The following TINF2 variants were observed in gnomAD, a reference collection of about 807,000 sequenced individuals.
The protein encoded by TINF2 is TERF1-interacting nuclear factor 2.
In TINF2, 27 loss-of-function variants were observed where a neutral mutation model predicts 50.4. The observed-to-expected ratio is 0.54, with a 90% CI of 0.40 to 0.74. TINF2 has a LOEUF of 0.74. Ranked by LOEUF, TINF2 falls within the 30% of genes least tolerant of loss-of-function variation. TINF2 has a pLI of 0.00. For synonymous variants in TINF2, 223 were observed against 214.6 expected, an observed-to-expected ratio of 1.04 and a Z score of -0.34; for missense variants, 496 against 551.5, an observed-to-expected ratio of 0.90 and a Z score of 1.01.
At position 24,241,098 on chromosome 14, in the gene TINF2, A is replaced by G. The variant is rs1057093734; in HGVS notation, c.526T>C (p.Trp176Arg). 1.9e-6 allele frequency: 3 copies of G among 1,614,062 alleles called. No homozygotes were observed. The African/African-American group carries it at 4.0e-5, about 22-fold the overall frequency. The change falls in exon 5 of 9, where the codon TGG (tryptophan) becomes CGG (arginine). Residue 176 changes from tryptophan (W) to arginine (R), a missense_variant. By Grantham distance (101) the Trp-to-Arg change is moderately radical. Around this residue, in one of 3 missense-constraint regions of TINF2, gnomAD observed 314 missense variants for 343.8 expected, o/e 0.91. Coordinates refer to ENST00000267415, the MANE Select transcript of TINF2 (RefSeq NM_001099274.3). Reference sequence around the variant, plus strand: ...GTGATAGAGACTCCAGGCTGCATCCAACTCAGCACATCCTGAAGCTGTGGG... The same window carrying G: ...GTGATAGAGACTCCAGGCTGCATCCGACTCAGCACATCCTGAAGCTGTGGG... ...QAQQLQDVLS[W>R]MQPGVSITSS...
In TINF2 at chr14:24,239,768, A is replaced by T. The variant is rs2040523848; in HGVS notation, c.*29T>A. On this transcript the variant is annotated 3_prime_UTR_variant, in exon 9 of 9. Transcript: ENST00000267415. ...ACTTGCAGAGCTGAGGAGGCAGGAG[A>T]CTAGAGTACAGAGAGCATTTTAGTT... 6.2e-7 allele frequency: 1 copy of T among 1,614,182 alleles called. No homozygotes were observed. Among genetic ancestry groups the T allele is most frequent in the Non-Finnish European group, 8.5e-7 (1 of 1,180,012 alleles).
rs796642147 is a variant in TINF2 at position 24,240,179 on chromosome 14, AACT to A, written c.1130-27_1130-25del. The A allele has an allele frequency of 3.1e-6, 5 of 1,614,046 alleles. No homozygotes were observed. In the African/African-American group the frequency reaches 5.3e-5, roughly 17 times the overall value. On this transcript the variant is annotated intron_variant, in intron 7 of 8. Coordinates refer to ENST00000267415, the MANE Select transcript of TINF2 (RefSeq NM_001099274.3). Reference sequence around the variant, plus strand: ...CACTGTAGGAGGGAAACCAGAATCAAACTACTACTTCTAGATGAACACAGGCTC... The same window carrying A: ...CACTGTAGGAGGGAAACCAGAATCAAACTACTTCTAGATGAACACAGGCTC...
intron 3 of TINF2, 94 bp downstream of exon 3, chr14:24,241,581 C>T (rs1474071388): frequency 9.0e-7 from 1 of 1,107,402 alleles, no homozygotes; most frequent in East Asian, 2.6e-5. Context: ...TGTGCCACTG[C>T]ACTCCAGCCT....
chr14:24,240,679 T>C lies in TINF2; in HGVS notation c.801A>G (p.Arg267=). The C allele has an allele frequency of 6.2e-7, 1 of 1,614,108 alleles. No homozygotes were observed. Among genetic ancestry groups the C allele is most frequent in the South Asian group, 1.1e-5 (1 of 91,076 alleles). Residue 267 remains arginine (R), a synonymous_variant, in exon 6 of 9, where the codon AGA becomes AGG. Transcript: ENST00000267415. ...HFNLAPLGRR[R]VQSQWASTRG... The stretch of plus-strand genomic sequence containing the variant: ...TAGTGGAGGCCCATTGGGACTGAAC[T>C]CTTCGTCGGCCTAGAGGGGCCAGAT...
rs754157164 is a variant in TINF2 at position 24,241,907 on chromosome 14, C to T, written c.280G>A (p.Val94Met). 5.6e-6 allele frequency: 9 copies of T among 1,614,220 alleles called. No homozygotes were observed. In the South Asian group the frequency reaches 6.6e-5, roughly 12 times the overall value. ...TTACTCACAGCCTTGGGATCCCGCA[C>T]TATAGGTCCAGATTCTGGAAAGTGG... is the stretch of plus-strand genomic sequence containing the variant. ...NHHFPESGPI[V>M]RDPKATKQDL... The change falls in exon 2 of 9, where the codon GTG (valine) becomes ATG (methionine). Residue 94 changes from valine (V) to methionine (M), a missense_variant. Coordinates refer to ENST00000267415, the MANE Select transcript of TINF2 (RefSeq NM_001099274.3).
rs1566369876 is a variant in TINF2, at chr14:24,242,338, GCGGGCTCCGCCCGGAGGCGGTCCCTC to G, written c.-32_-7del. On this transcript the variant is annotated 5_prime_UTR_variant, in exon 1 of 9. Coordinates refer to ENST00000267415, the MANE Select transcript of TINF2 (RefSeq NM_001099274.3). ...GCCACCAGGGGCGTAGCCATGGTCG[GCGGGCTCCGCCCGGAGGCGGTCCCTC>G]CGGGTTCCTCACCCGGATGGGTGAG... 1 of 1,610,664 alleles carries G rather than the reference GCGGGCTCCGCCCGGAGGCGGTCCCTC, an allele frequency of 6.2e-7. No homozygotes were observed. The highest frequency in any genetic ancestry group is 8.5e-7 in the Non-Finnish European group (1 of 1,178,744).
At chr14:24,240,030 C>T (rs1252781686) in intron 8 of TINF2, 34 bp downstream of exon 8, 9 of 1,614,058 alleles carry the variant, frequency 5.6e-6, no homozygotes, top group Non-Finnish European at 7.6e-6. Flanking sequence ...TTCTACCCAT[C>T]CCCTTTCCCA....
At position 24,241,903 on chromosome 14, in the gene TINF2, C is replaced by T; in HGVS notation, c.284G>A (p.Arg95Gln). 6.2e-7 allele frequency: 1 copy of T among 1,614,208 alleles called. No homozygotes were observed. Among genetic ancestry groups the T allele is most frequent in the Non-Finnish European group, 8.5e-7 (1 of 1,180,032 alleles). ...GGGATTACTCACAGCCTTGGGATCC[C>T]GCACTATAGGTCCAGATTCTGGAAA... ...HHFPESGPIVRDPKATKQDLR... is the reference protein window; with the variant it reads ...HHFPESGPIVQDPKATKQDLR... Residue 95 changes from arginine to glutamine, a missense_variant, in exon 2 of 9, where the codon CGG becomes CAG. Coordinates refer to ENST00000267415, the MANE Select transcript of TINF2 (RefSeq NM_001099274.3).
In TINF2 at chr14:24,242,108, C is replaced by T. The variant is rs926392191; in HGVS notation, c.192+33G>A. ...GTGCTCGCATCCCGCCCCTTTCTTT[C>T]TTTCCCCTTCCAGGTCCTACTTGCT... On this transcript the variant is annotated intron_variant, in intron 1 of 8. Coordinates refer to ENST00000267415, the MANE Select transcript of TINF2 (RefSeq NM_001099274.3). The T allele has an allele frequency of 1.9e-6, 3 of 1,614,248 alleles. No homozygotes were observed. In the African/African-American group the frequency reaches 4.0e-5, roughly 22 times the overall value.
rs2040589135 is a variant in TINF2, at chr14:24,241,928, AGT to A, written c.257_258del (p.His86LeufsTer50). 2 of 1,614,196 alleles carry A rather than the reference AGT, an allele frequency of 1.2e-6. No individual in the cohort carries two copies. The highest frequency in any genetic ancestry group is 1.7e-6 in the Non-Finnish European group (2 of 1,180,024). ...CGCACTATAGGTCCAGATTCTGGAA[AGT>A]GGTGATTCAGGGCTTTCAGGACTTG... is the stretch of plus-strand genomic sequence containing the variant. ...WAQVLKALNHHFPESGPIVRD... is the reference protein window; with the variant it reads ...WAQVLKALNHXFPESGPIVRD... On this transcript the variant is annotated frameshift_variant, in exon 2 of 9. Transcript: ENST00000267415. LOFTEE classifies it high-confidence loss of function.
Position 24,240,723 on chromosome 14 carries a change from G to C in TINF2, c.757C>G (p.Leu253Val), listed in dbSNP as rs746642057. ...GPSSRTHPEP[L>V]AGRHFNLAPL... ...GCCAGATTGAAGTGTCGGCCAGCTAGAGGTTCTGGGTGCGTCCTTGAAGAT... is the reference window on the plus strand; with the variant it reads ...GCCAGATTGAAGTGTCGGCCAGCTACAGGTTCTGGGTGCGTCCTTGAAGAT... Residue 253 changes from leucine (L) to valine (V), a missense_variant, in exon 6 of 9, where the codon CTA becomes GTA. Leu to Val is a conservative substitution (Grantham distance 32). Around this residue, in one of 3 missense-constraint regions of TINF2, gnomAD observed 314 missense variants for 343.8 expected, o/e 0.91. Transcript: ENST00000267415. 5.6e-6 allele frequency: 9 copies of C among 1,613,642 alleles called. No homozygotes were observed. Among genetic ancestry groups the C allele is most frequent in the Non-Finnish European group, 7.6e-6 (9 of 1,179,794 alleles).
intron 8 of TINF2, 30 bp downstream of exon 8, chr14:24,240,034 T>G: frequency 6.2e-7 from 1 of 1,614,176 alleles, no homozygotes; most frequent in Non-Finnish European, 8.5e-7. Flanking sequence ...ACCCATCCCC[T>G]TTCCCAGCTT....
Position 24,240,763 on chromosome 14 carries a change from A to C in TINF2, c.717T>G (p.His239Gln), listed in dbSNP as rs201595287. 1.9e-6 allele frequency: 3 copies of C among 1,613,464 alleles called. No homozygotes were observed. The highest frequency in any genetic ancestry group is 2.5e-6 in the Non-Finnish European group (3 of 1,179,760). ...NPLPKAKPGTHLPQGPSSRTH... is the reference protein window; with the variant it reads ...NPLPKAKPGTQLPQGPSSRTH... ...TCCTTGAAGATGGTCCCTGAGGAAGATGTGTGCCAGGCTTGGCTTTTGGCA... is the reference window on the plus strand; with the variant it reads ...TCCTTGAAGATGGTCCCTGAGGAAGCTGTGTGCCAGGCTTGGCTTTTGGCA... The change falls in exon 6 of 9, where the codon CAT becomes CAG. Residue 239 changes from histidine (H) to glutamine (Q), a missense_variant. Physicochemically the swap from His to Gln is conservative, Grantham distance 24 (BLOSUM62 0). Around this residue, in one of 3 missense-constraint regions of TINF2, gnomAD observed 314 missense variants for 343.8 expected, o/e 0.91. Coordinates refer to ENST00000267415, the MANE Select transcript of TINF2 (RefSeq NM_001099274.3).
At chr14:24,242,026 CG>C in intron 1 of TINF2, 32 bp from the exon 2 acceptor site, 1 of 1,614,106 alleles carries the variant, frequency 6.2e-7, no homozygotes, top group Non-Finnish European at 8.5e-7. Flanking sequence ...ATCCCCACTT[CG>C]GGGCAAGCTG....
chr14:24,242,576 G>T lies in TINF2; in HGVS notation c.-244C>A. On this transcript the variant is annotated 5_prime_UTR_variant, in exon 1 of 9. Transcript: ENST00000267415. ...AGCTGACCGTCTCCAGTGGCACTGG[G>T]TCGCTCAGCTTTAAACGTCGCCGCT... 1 of 1,380,438 alleles carries T rather than the reference G, an allele frequency of 7.2e-7. No homozygotes were observed. The highest frequency in any genetic ancestry group is 1.5e-5 in the African/African-American group (1 of 68,724). 85.5% of individuals were successfully genotyped at this position (1,380,438 alleles called of 1,614,324 possible). A position where few individuals can be genotyped will look rare whatever the true frequency, so the allele number is the denominator to read the frequency against.
Position 24,242,310 on chromosome 14 carries a change from C to A in TINF2, c.23G>T (p.Gly8Val). 2 of 1,612,988 alleles carry A rather than the reference C, an allele frequency of 1.2e-6. No individual in the cohort carries two copies. Among genetic ancestry groups the A allele is most frequent in the Non-Finnish European group, 1.7e-6 (2 of 1,179,718 alleles). The stretch of plus-strand genomic sequence containing the variant: ...GGCGGCGAAGCGTAGAGCTGCGGGA[C>A]CCGCCACCAGGGGCGTAGCCATGGT... MATPLVAGPAALRFAAAA... is the reference protein window; with the variant it reads MATPLVAVPAALRFAAAA... Residue 8 changes from glycine (G) to valine (V), a missense_variant, in exon 1 of 9, where the codon GGT becomes GTT. Transcript: ENST00000267415.
rs750285418 is a variant in TINF2 at position 24,242,288 on chromosome 14, G to A, written c.45C>T (p.Ala15=). ...LVAGPAALRF[A]AAASWQVVRG... is the part of the protein sequence containing the mutation. ...GCACAACCTGCCAGCTAGCCGCGGC[G>A]GCGAAGCGTAGAGCTGCGGGACCCG... Residue 15 remains alanine (A), a synonymous_variant, in exon 1 of 9, where the codon GCC becomes GCT. Transcript: ENST00000267415. 2.0e-5 allele frequency: 32 copies of A among 1,613,678 alleles called. No individual in the cohort carries two copies. Among genetic ancestry groups the A allele is most frequent in the Non-Finnish European group, 2.5e-5 (30 of 1,180,000 alleles).
Position 24,240,070 on chromosome 14 carries a change from T to C in TINF2, c.1215A>G (p.Glu405=). 1 of 1,614,122 alleles carries C rather than the reference T, an allele frequency of 6.2e-7. No individual in the cohort carries two copies. Among genetic ancestry groups the C allele is most frequent in the East Asian group, 2.2e-5 (1 of 44,874 alleles). ...TCTGCTCCTTCCCACTCACCTTTCC[T>C]TCCCCCTGGCCATTTTCTTCCTCAT... is the stretch of plus-strand genomic sequence containing the variant. ...DSDEEENGQG[E]GKESLENYQK... The change falls in exon 8 of 9, where the codon GAA becomes GAG. Residue 405 remains glutamate, a synonymous_variant. Coordinates refer to ENST00000267415, the MANE Select transcript of TINF2 (RefSeq NM_001099274.3).
At position 24,239,941 on chromosome 14, in the gene TINF2, AG is replaced by A. The variant is rs746206409; in HGVS notation, c.1222-11del. On this transcript the variant is annotated splice_polypyrimidine_tract_variant and intron_variant, in intron 8 of 8. Coordinates refer to ENST00000267415, the MANE Select transcript of TINF2 (RefSeq NM_001099274.3). Reference sequence around the variant, plus strand: ...AGTTTTCCAGAGATTCCTGTAGAGAAGGGAGCAGGGAGAGCCTACTATCCGA... The same window carrying A: ...AGTTTTCCAGAGATTCCTGTAGAGAAGGAGCAGGGAGAGCCTACTATCCGA... 2.5e-5 allele frequency: 40 copies of A among 1,614,108 alleles called. No homozygotes were observed. The highest frequency in any genetic ancestry group is 2.0e-4 in the Admixed American group (12 of 60,004).
Sources: gnomAD v4.1 joint callset for allele counts on GRCh38, gnomAD v4.1.1 for gene constraint, gnomAD v4.1.1 regional missense constraint, MANE v1.5 for transcripts, NCBI Gene and HGNC (gene_info 2026-07-23, HGNC 2026-07-21) for gene names.